The following NXPE2 variants were observed in gnomAD, a reference collection of about 807,000 sequenced individuals.
The protein encoded by NXPE2 is NXPE family member 2.
A neutral mutation model predicts 34.4 loss-of-function variants in NXPE2; 34 were observed. The observed-to-expected ratio is 0.99, with a 90% CI of 0.75 to 1.31. The LOEUF (loss-of-function observed/expected upper bound fraction) is 1.31. NXPE2 is among the 40% of genes most tolerant of loss of function. The probability of loss-of-function intolerance (pLI) is 0.00; values close to 1 mark genes in which losing one functional copy is unlikely to be tolerated. For synonymous variants in NXPE2, 235 were observed against 231.3 expected (o/e 1.02, Z -0.15); for missense variants, 649 against 672.5 (o/e 0.97, Z 0.39).
the NXPE2 span, among the ~76,000 whole-genome samples, chr11:114,614,310 C>T: frequency 3.3e-5 from 5 of 151,368 alleles, no homozygotes; most frequent in African/African-American, 1.2e-4. Flanking sequence ...TAAGTATTGC[C>T]TCGTAGGTAA....
the NXPE2 span, among the ~76,000 whole-genome samples, chr11:114,607,247 G>T: frequency 1.3e-5 from 2 of 151,936 alleles, no homozygotes; most frequent in East Asian, 1.9e-4. Flanking sequence ...TTACCTGGTG[G>T]ATAATACGTG....
chr11:114,614,415 C>T, the NXPE2 span, among the ~76,000 whole-genome samples: 2 of 151,040 alleles, frequency 1.3e-5, no homozygotes, highest in African/African-American at 4.9e-5. Flanking sequence ...CCACTGTTAC[C>T]CAGTGGATAA....
the NXPE2 span, among the ~76,000 whole-genome samples, chr11:114,738,495 C>T: frequency 4.9e-4 from 74 of 152,234 alleles, no homozygotes; most frequent in African/African-American, 1.7e-3. Context: ...TTGGGATATG[C>T]CTGGGCCAAG....
chr11:114,794,567 AG>A, the NXPE2 span, among the ~76,000 whole-genome samples: 1 of 152,182 alleles, frequency 6.6e-6, no homozygotes, highest in Non-Finnish European at 1.5e-5. Context: ...CTGGAGAACC[AG>A]GCTTGAAAAA....
At chr11:114,772,112 G>A in the NXPE2 span, among the ~76,000 whole-genome samples, 17 of 152,130 alleles carry the variant, frequency 1.1e-4, no homozygotes, top group East Asian at 3.9e-4. Context: ...AGCTGTGGTC[G>A]TAAATGTCCA....
the NXPE2 span, chr11:114,582,501 C>A: frequency 6.2e-7 from 1 of 1,614,006 alleles, no homozygotes; most frequent in Non-Finnish European, 8.5e-7. Context: ...GACAAACTGG[C>A]CAGTGAAGAT....
the NXPE2 span, among the ~76,000 whole-genome samples, chr11:114,482,629 C>A: frequency 3.3e-5 from 5 of 152,136 alleles, no homozygotes; most frequent in East Asian, 7.7e-4. Context: ...TGCAAGGTGC[C>A]TTAGTTAATA....
chr11:114,574,553 T>C, the NXPE2 span, among the ~76,000 whole-genome samples: 7 of 152,058 alleles, frequency 4.6e-5, no homozygotes, highest in Non-Finnish European at 8.8e-5. Flanking sequence ...GAAAGATTAT[T>C]CAAGGCTACT....
the NXPE2 span, among the ~76,000 whole-genome samples, chr11:114,498,130 A>G: frequency 1.3e-5 from 2 of 152,074 alleles, no homozygotes; most frequent in African/African-American, 4.8e-5. Context: ...ATCTATATCT[A>G]TATTGCTGAT....
At chr11:114,540,618 A>G in the NXPE2 span, among the ~76,000 whole-genome samples, 4 of 152,184 alleles carry the variant, frequency 2.6e-5, no homozygotes, top group East Asian at 5.8e-4. Flanking sequence ...ATGACCAAGT[A>G]ACTTGTGACT....
chr11:114,609,082 T>C, the NXPE2 span, among the ~76,000 whole-genome samples: 1 of 151,908 alleles, frequency 6.6e-6, no homozygotes, highest in Non-Finnish European at 1.5e-5. Context: ...TGTTATCCGG[T>C]GGATAATAAG....
the NXPE2 span, among the ~76,000 whole-genome samples, chr11:114,556,260 C>T: frequency 2.0e-5 from 3 of 152,176 alleles, no homozygotes; most frequent in African/African-American, 4.8e-5. Flanking sequence ...TTTTACACCA[C>T]GTTCCTCCTT....
chr11:114,510,871 A>AT, the NXPE2 span, among the ~76,000 whole-genome samples: 58 of 152,322 alleles, frequency 3.8e-4, no homozygotes, highest in East Asian at 1.3e-3. Flanking sequence ...AAATTTATAC[A>AT]TTTTTTGGGC....
the NXPE2 span, among the ~76,000 whole-genome samples, chr11:114,792,648 T>G: frequency 1.3e-5 from 2 of 152,228 alleles, no homozygotes; most frequent in South Asian, 4.1e-4. Context: ...AGTTCACCAG[T>G]AAGTACTCAT....
At chr11:114,582,166 T>C in the NXPE2 span, 1 of 1,020,982 alleles carries the variant, frequency 9.8e-7, no homozygotes, top group East Asian at 2.4e-5. Flanking sequence ...ACAGATCCTT[T>C]CCCCAAAGGC....
At chr11:114,625,840 T>G in the NXPE2 span, among the ~76,000 whole-genome samples, 4 of 152,190 alleles carry the variant, frequency 2.6e-5, no homozygotes, top group African/African-American at 9.6e-5. Flanking sequence ...AGCTGAAGCA[T>G]GGTGAGGCAT....
chr11:114,766,458 C>CT, the NXPE2 span, among the ~76,000 whole-genome samples: 5 of 152,254 alleles, frequency 3.3e-5, no homozygotes, highest in South Asian at 1.0e-3. Context: ...ATTCCAGCCT[C>CT]TTTCTCTAGA....
chr11:114,651,900 G>A, the NXPE2 span, among the ~76,000 whole-genome samples: 163 of 152,174 alleles, frequency 1.1e-3, no homozygotes, highest in Admixed American at 2.8e-3. Context: ...CTCAATAATA[G>A]CAAAACAGAA....
the NXPE2 span, among the ~76,000 whole-genome samples, chr11:114,732,102 A>G: frequency 6.6e-6 from 1 of 152,156 alleles, no homozygotes; most frequent in Non-Finnish European, 1.5e-5. Flanking sequence ...TTTAGAATAA[A>G]CTTTAGGTGC....
Sources: allele counts gnomAD v4.1 joint callset (sites outside exome capture counted in the v4.1 genomes callset), GRCh38; gene constraint gnomAD v4.1.1; transcripts MANE v1.5; gene names NCBI Gene and HGNC (gene_info 2026-07-23, HGNC 2026-07-21).